The following GBP2 variants were observed in gnomAD, a reference collection of about 807,000 sequenced individuals.
GBP2 encodes the protein guanylate-binding protein 2.
Under a neutral mutation model 60.8 loss-of-function variants are expected in GBP2, and 54 were observed. The observed-to-expected ratio is 0.89, with a 90% CI of 0.71 to 1.11. The LOEUF (loss-of-function observed/expected upper bound fraction) is 1.11, where lower values mean the gene tolerates loss of function less well. Among genes scored for constraint, GBP2 ranks in the 50% most tolerant of loss-of-function variants. GBP2 has a pLI of 0.00. For synonymous variants in GBP2, 243 were observed against 256.5 expected, an observed-to-expected ratio of 0.95 and a Z score of 0.50; for missense variants, 665 against 703.3, an observed-to-expected ratio of 0.95 and a Z score of 0.62.
intron 6 of GBP2, 78 bp downstream of exon 6, chr1:89,116,914 T>C: frequency 6.8e-7 from 1 of 1,474,806 alleles, no homozygotes; most frequent in South Asian, 1.2e-5. Context: ...GAAGTGACCC[T>C]TATGCTTTCC....
chr1:89,119,947 A>G, intron 4 of GBP2: 1 of 477,682 alleles, frequency 2.1e-6, no homozygotes, highest in East Asian at 3.9e-5. Flanking sequence ...ATTAAGTCAG[A>G]TAGAGGATAT....
chr1:89,125,703 CAG>C lies in GBP2; in HGVS notation c.-18+158_-18+159del, dbSNP rs1248137332. 4.6e-5 allele frequency among the ~76,000 whole-genome samples: 7 copies of C among 152,300 alleles called. No individual in the cohort carries two copies. The East Asian group carries it at 9.6e-4, about 21-fold the overall frequency. On this transcript the variant is annotated intron_variant, in intron 1 of 10. Transcript: ENST00000370466. ...GCTGGAGACTAGTTCACAGCAGGAG[CAG>C]AGAGCACTAAGGAACCTGCAGCCAC...
At chr1:89,121,647 G>T in intron 2 of GBP2, 130 bp downstream of exon 2, 1 of 918,902 alleles carries the variant, frequency 1.1e-6, no homozygotes. Flanking sequence ...TCAATGTAAA[G>T]AGCCCATTAA....
intron 2 of GBP2, 33 bp downstream of exon 2, chr1:89,121,744 G>A (rs776496398): frequency 8.1e-6 from 13 of 1,605,176 alleles, no homozygotes; most frequent in Admixed American, 3.3e-5. Flanking sequence ...TGTACGGACA[G>A]AAGGGGCTTA....
At chr1:89,117,846 A>G (rs759230995) in intron 4 of GBP2, 73 bp from the exon 5 acceptor site, 9 of 1,235,636 alleles carry the variant, frequency 7.3e-6, no homozygotes, top group Non-Finnish European at 1.1e-6. Context: ...TGCTTACCTA[A>G]AATAATTTGG....
chr1:89,118,068 T>C (rs1570321423), intron 4 of GBP2: 2 of 210,288 alleles, frequency 9.5e-6, no homozygotes, highest in East Asian at 2.3e-4. Context: ...TTATCAGGTA[T>C]TGATAACAAT....
At chr1:89,116,902 C>T in intron 6 of GBP2, 90 bp downstream of exon 6, 1 of 1,331,254 alleles carries the variant, frequency 7.5e-7, no homozygotes, top group Non-Finnish European at 1.1e-6. Flanking sequence ...ATGCATTTGT[C>T]AGAAGTGACC....
In GBP2 at chr1:89,110,388, G is replaced by A. The variant is rs1485023552; in HGVS notation, c.1363-122C>T. The A allele has an allele frequency of 3.1e-5, 23 of 741,152 alleles. No individual in the cohort carries two copies. The Middle Eastern group carries it at 1.9e-3, about 61-fold the overall frequency. 45.9% of individuals were successfully genotyped at this position (741,152 alleles called of 1,614,324 possible). ...TTACACAAAAAAGATACTTGCATAC[G>A]CATGTTTATAGCAGCACAATTCGCA... On this transcript the variant is annotated intron_variant, in intron 8 of 10. Transcript: ENST00000370466.
chr1:89,122,150 G>A (rs867891827), intron 1 of GBP2, among the ~76,000 whole-genome samples, 167 bp from the exon 2 acceptor site: 7 of 152,220 alleles, frequency 4.6e-5, no homozygotes, highest in African/African-American at 1.7e-4. Flanking sequence ...TTGGGTCACT[G>A]GCTTTCTTTA....
At chr1:89,113,497 G>C (rs1428553872) in intron 7 of GBP2, among the ~76,000 whole-genome samples, 2 of 152,128 alleles carry the variant, frequency 1.3e-5, no homozygotes, top group African/African-American at 4.8e-5. Context: ...CTAGGGAAAG[G>C]ACTTTCATTT....
chr1:89,117,046 G>A lies in GBP2; in HGVS notation c.814C>T (p.Leu272Phe). The A allele has an allele frequency of 6.2e-7, 1 of 1,614,048 alleles. No individual in the cohort carries two copies. The highest frequency in any genetic ancestry group is 1.1e-5 in the South Asian group (1 of 91,078). Reference protein sequence around the residue: ...EQVAEFCSYILSHSNVKTLSG... With the variant: ...EQVAEFCSYIFSHSNVKTLSG... ...AGAGTCTTGACATTGGAATGGCTGA[G>A]GATGTAGGAACAAAATTCTGCAACT... The change falls in exon 6 of 11, where the codon CTC becomes TTC. Residue 272 changes from leucine (L) to phenylalanine (F), a missense_variant. Leu to Phe is a conservative substitution (Grantham distance 22). Transcript: ENST00000370466.
At position 89,112,571 on chromosome 1, in the gene GBP2, C is replaced by T; in HGVS notation, c.1263G>A (p.Lys421=). The stretch of plus-strand genomic sequence containing the variant: ...CTCCTGGTTTAGAAAATGTTCCCTG[C>T]TTGACATCTTCTTCTAAAGGGCCAA... ...DIFGPLEEDV[K]QGTFSKPGGY... is the part of the protein sequence containing the mutation. The change falls in exon 8 of 11, where the codon AAG becomes AAA. Residue 421 remains lysine, a synonymous_variant. Coordinates refer to ENST00000370466, the MANE Select transcript of GBP2 (RefSeq NM_004120.5). 3 of 1,614,072 alleles carry T rather than the reference C, an allele frequency of 1.9e-6. No homozygotes were observed. The South Asian group carries it at 3.3e-5, about 18-fold the overall frequency.
intron 1 of GBP2, 101 bp from the exon 2 acceptor site, chr1:89,122,084 C>T (rs1681413381): frequency 1.4e-6 from 1 of 732,592 alleles, no homozygotes. Context: ...TATGCTTGAA[C>T]ATTTTTTCAT....
chr1:89,117,229 C>A lies in GBP2; in HGVS notation c.631G>T (p.Asp211Tyr), dbSNP rs781516751. The A allele has an allele frequency of 2.2e-5, 35 of 1,611,900 alleles. 1 individual carries two copies. In the Middle Eastern group the frequency reaches 4.5e-3, roughly 205 times the overall value. ...TCATTAAAGCTTTTACTTTTCTTAT[C>A]AGTACCTACAGGAATGAAAATTAGA... ...ELSLKLRKGT[D>Y]KKSKSFNDPR... Residue 211 changes from aspartate to tyrosine, a missense_variant, in exon 6 of 11, where the codon GAT becomes TAT. Physicochemically the swap from Asp to Tyr is radical, Grantham distance 160. Transcript: ENST00000370466.
rs1474941112 is a variant in GBP2 at position 89,108,126 on chromosome 1, G to A, written c.*49C>T. On this transcript the variant is annotated 3_prime_UTR_variant, in exon 11 of 11. Transcript: ENST00000370466. ...CACTCTGAAGTTGCTCATTCATGTTGTTTCTTGGGGAGAGGGAGCTGGACA... is the reference window on the plus strand; with the variant it reads ...CACTCTGAAGTTGCTCATTCATGTTATTTCTTGGGGAGAGGGAGCTGGACA... 1.0e-6 allele frequency: 1 copy of A among 977,036 alleles called. No homozygotes were observed. The highest frequency in any genetic ancestry group is 1.6e-6 in the Non-Finnish European group (1 of 619,006). The allele number at this position is 977,036 out of a possible 1,614,324, so 60.5% of individuals were successfully genotyped here. A position where few individuals can be genotyped will look rare whatever the true frequency, so the allele number is the denominator to read the frequency against.
rs1395047162 is a variant in GBP2 at position 89,121,164 on chromosome 1, C to T, written c.297G>A (p.Glu99=). ...PEHTLVLLDT[E]GLGDIEKGDN... is the part of the protein sequence containing the mutation. ...TTACCTTCTCTATATCTCCCAGGCC[C>T]TCAGTGTCGAGCAGAACTAGGGTGT... Residue 99 remains glutamate, a synonymous_variant, in exon 3 of 11, where the codon GAG becomes GAA. Coordinates refer to ENST00000370466, the MANE Select transcript of GBP2 (RefSeq NM_004120.5). 2.5e-6 allele frequency: 4 copies of T among 1,612,402 alleles called. No individual in the cohort carries two copies. The highest frequency in any genetic ancestry group is 1.1e-5 in the South Asian group (1 of 90,972).
chr1:89,117,805 A>G, intron 4 of GBP2, 32 bp from the exon 5 acceptor site: 1 of 1,547,740 alleles, frequency 6.5e-7, no homozygotes, highest in Non-Finnish European at 8.8e-7. Context: ...ACTACAGAAA[A>G]TGCCACTCTT....
At position 89,108,899 on chromosome 1, in the gene GBP2, C is replaced by CTTTCTT. The variant is rs111673250; in HGVS notation, c.1660-609_1660-608insAAGAAA. Reference sequence around the variant, plus strand: ...GTGGGTAGATGGTTAGGGAATCTTTCTTTTTTTTTTTTTGAGATGGAATTT... The same window carrying CTTTCTT: ...GTGGGTAGATGGTTAGGGAATCTTTCTTTCTTTTTTTTTTTTTTTGAGATGGAATTT... On this transcript the variant is annotated intron_variant, in intron 10 of 10. Transcript: ENST00000370466. 2.2e-3 allele frequency among the ~76,000 whole-genome samples: 326 copies of CTTTCTT among 147,024 alleles called. 4 individuals are homozygous for CTTTCTT. The highest frequency in any genetic ancestry group is 3.8e-3 in the African/African-American group (150 of 39,810).
chr1:89,113,966 T>A (rs538840569), intron 7 of GBP2, 50 bp downstream of exon 7: 1 of 1,599,038 alleles, frequency 6.3e-7, no homozygotes, highest in Non-Finnish European at 8.6e-7. Context: ...TATTTTCCCA[T>A]GAAGGGCCCA....
Sources: allele counts gnomAD v4.1 joint callset (sites outside exome capture counted in the v4.1 genomes callset), GRCh38; gene constraint gnomAD v4.1.1; transcripts MANE v1.5; gene names NCBI Gene and HGNC (gene_info 2026-07-23, HGNC 2026-07-21).